The following FGD5 variants were observed in gnomAD, a reference collection of about 807,000 sequenced individuals.
The protein encoded by FGD5 is FYVE, RhoGEF and PH domain containing 5, also known as FYVE, RhoGEF and PH domain-containing protein 5.
A neutral mutation model predicts 133.4 loss-of-function variants in FGD5; 28 were observed. The observed-to-expected ratio is 0.21, with a 90% CI of 0.16 to 0.29. The LOEUF (loss-of-function observed/expected upper bound fraction) is 0.29. FGD5 is among the 10% of genes least tolerant of loss of function. The probability of loss-of-function intolerance (pLI) is 1.00; values close to 1 mark genes in which losing one functional copy is unlikely to be tolerated. For missense variants in FGD5, 1,858 were observed against 1,895.2 expected, an observed-to-expected ratio of 0.98 and a Z score of 0.36; for synonymous variants, 810 against 776.5, an observed-to-expected ratio of 1.04 and a Z score of -0.72.
At chr3:14,873,898 T>G (rs2037664497) in intron 2 of FGD5, among the ~76,000 whole-genome samples, 1 of 151,994 alleles carries the variant, frequency 6.6e-6, no homozygotes, top group Non-Finnish European at 1.5e-5. Flanking sequence ...ATTTTTGTAT[T>G]TTTAGTAGAG....
chr3:14,845,774 C>T (rs1422357605), intron 1 of FGD5, among the ~76,000 whole-genome samples: 1 of 152,216 alleles, frequency 6.6e-6, no homozygotes, highest in South Asian at 2.1e-4. Context: ...TAGAACTTTA[C>T]AGTTTGAAAA....
intron 1 of FGD5, among the ~76,000 whole-genome samples, chr3:14,812,001 G>GGT (rs10644004): frequency 0.18 from 26,396 of 145,512 alleles, 2,356 homozygotes; most frequent in East Asian, 0.33. Flanking sequence ...ATATCCTGCT[G>GGT]GTGTGTGTGT....
chr3:14,924,534 A>C (rs545310082), intron 17 of FGD5, among the ~76,000 whole-genome samples: 73 of 152,266 alleles, frequency 4.8e-4, no homozygotes, highest in Admixed American at 8.5e-4. Context: ...CCTGGAGGCC[A>C]TGGGCTCCGC....
chr3:14,850,180 C>T (rs187298310), intron 1 of FGD5, among the ~76,000 whole-genome samples: 2 of 152,334 alleles, frequency 1.3e-5, no homozygotes, highest in African/African-American at 4.8e-5. Context: ...GAGAAAGATG[C>T]GTCTGAGTTT....
intron 4 of FGD5, among the ~76,000 whole-genome samples, chr3:14,886,345 T>C (rs1188865525): frequency 6.6e-6 from 1 of 152,210 alleles, no homozygotes; most frequent in East Asian, 1.9e-4. Context: ...TCTTGGTGGC[T>C]CTGCTTCTTG....
chr3:14,846,308 C>G (rs1403736221), intron 1 of FGD5, among the ~76,000 whole-genome samples: 7 of 152,078 alleles, frequency 4.6e-5, no homozygotes, highest in African/African-American at 7.2e-5. Flanking sequence ...CTCAGGGGCT[C>G]TATTTTTCAG....
At chr3:14,923,981 C>A in intron 16 of FGD5, 27 bp from the exon 17 acceptor site, 2 of 1,613,606 alleles carry the variant, frequency 1.2e-6, no homozygotes, top group South Asian at 2.2e-5. Flanking sequence ...TCTCACCTCC[C>A]TTCCATGTGG....
chr3:14,924,931 C>T (rs528011558), intron 17 of FGD5, among the ~76,000 whole-genome samples: 2 of 151,986 alleles, frequency 1.3e-5, no homozygotes, highest in African/African-American at 4.8e-5. Context: ...GAAACCCCAT[C>T]TCTACTAAAA....
chr3:14,915,279 G>A (rs141504294), intron 11 of FGD5, among the ~76,000 whole-genome samples: 1 of 152,222 alleles, frequency 6.6e-6, no homozygotes, highest in Non-Finnish European at 1.5e-5. Context: ...CCTGAGAAGA[G>A]CTAGCTGTGG....
chr3:14,887,633 G>A (rs779863679), intron 4 of FGD5, among the ~76,000 whole-genome samples: 8 of 152,060 alleles, frequency 5.3e-5, no homozygotes, highest in East Asian at 1.9e-4. Context: ...GAAAGTCTCC[G>A]CCCTCAAGGC....
rs751514311 is a variant in FGD5 at position 14,922,580 on chromosome 3, A to G, written c.3807+32A>G. 2.6e-5 allele frequency: 22 copies of G among 836,568 alleles called. No individual in the cohort carries two copies. Among genetic ancestry groups the G allele is most frequent in the African/African-American group, 1.4e-4 (8 of 57,912 alleles). The allele number at this position is 836,568 out of a possible 1,614,324, so 51.8% of individuals were successfully genotyped here. A position where few individuals can be genotyped will look rare whatever the true frequency, so the allele number is the denominator to read the frequency against. On this transcript the variant is annotated intron_variant, in intron 15 of 19. Transcript: ENST00000285046. The surrounding 1 kb of genome is among the most constrained non-coding windows in gnomAD (Gnocchi z 4.1). ...CGCTGCATCTGGGGTGAGTGTGTGC[A>G]TGGGGGTGGGGTGGGGGAAGGGCAT...
In FGD5 at chr3:14,922,632, A is replaced by G; in HGVS notation, c.3807+84A>G. 2 of 1,500,346 alleles carry G rather than the reference A, an allele frequency of 1.3e-6. No homozygotes were observed. The highest frequency in any genetic ancestry group is 1.8e-6 in the Non-Finnish European group (2 of 1,122,970). 92.9% of individuals were successfully genotyped at this position (1,500,346 alleles called of 1,614,324 possible). On this transcript the variant is annotated intron_variant, in intron 15 of 19. Coordinates refer to ENST00000285046, the MANE Select transcript of FGD5 (RefSeq NM_152536.4). This position sits in a 1 kb window ranked among gnomAD's most constrained non-coding sequence, Gnocchi z 4.1. ...TCCCTGCCCAGCCGGGGGCTCAGGG[A>G]TGTCCAGCAGCTACTGTAAGCCCCA...
chr3:14,868,902 C>T (rs190520417), intron 2 of FGD5, among the ~76,000 whole-genome samples: 4 of 152,324 alleles, frequency 2.6e-5, no homozygotes, highest in African/African-American at 7.2e-5. Context: ...TCAGACCAGT[C>T]CCTGCCTGCC....
At chr3:14,886,547 G>A (rs1025801291) in intron 4 of FGD5, among the ~76,000 whole-genome samples, 1 of 152,212 alleles carries the variant, frequency 6.6e-6, no homozygotes, top group African/African-American at 2.4e-5. Flanking sequence ...GGGCAGGGAC[G>A]TGCTCTCCCC....
At chr3:14,837,179 G>T (rs2036831809) in intron 1 of FGD5, among the ~76,000 whole-genome samples, 1 of 152,176 alleles carries the variant, frequency 6.6e-6, no homozygotes, top group South Asian at 2.1e-4. Flanking sequence ...GGGGCCCTGC[G>T]TGCCCTTGCC....
intron 1 of FGD5, among the ~76,000 whole-genome samples, chr3:14,843,680 A>T (rs976167463): frequency 8.5e-6 from 1 of 117,204 alleles, no homozygotes; most frequent in South Asian, 2.9e-4. Context: ...GTGCATCCCC[A>T]GGGTGCTTTT....
rs570342258 is a variant in FGD5, at chr3:14,881,279, G to C, written c.2748+507G>C. On this transcript the variant is annotated intron_variant, in intron 4 of 19. Transcript: ENST00000285046. The stretch of plus-strand genomic sequence containing the variant: ...GCTCCTTTGGGCTTTCAGAGGAAAG[G>C]AGGCCAGACTTGGGGACAGGCACTG... 4.1e-4 allele frequency among the ~76,000 whole-genome samples: 63 copies of C among 152,200 alleles called. 1 individual carries two copies. In the South Asian group the frequency reaches 7.5e-3, roughly 18 times the overall value.
chr3:14,847,312 T>C (rs1305294331), intron 1 of FGD5, among the ~76,000 whole-genome samples: 1 of 152,246 alleles, frequency 6.6e-6, no homozygotes, highest in East Asian at 1.9e-4. Flanking sequence ...GTCTCCATTT[T>C]ATAGCTGAGG....
At position 14,821,310 on chromosome 3, in the gene FGD5, G is replaced by T; in HGVS notation, c.2239G>T (p.Asp747Tyr). 6.2e-7 allele frequency: 1 copy of T among 1,614,000 alleles called. No homozygotes were observed. Among genetic ancestry groups the T allele is most frequent in the Non-Finnish European group, 8.5e-7 (1 of 1,179,902 alleles). Residue 747 changes from aspartate to tyrosine, a missense_variant, in exon 1 of 20, where the codon GAC becomes TAC. Physicochemically the swap from Asp to Tyr is radical, Grantham distance 160. Around this residue, in one of 3 missense-constraint regions of FGD5, gnomAD observed 1,824 missense variants for 1,848.9 expected, o/e 0.99. Coordinates refer to ENST00000285046, the MANE Select transcript of FGD5 (RefSeq NM_152536.4). ...GGTGTCCAGAGTGGAGTCCTTTGAA[G>T]ACCGCTCCCGGCCGCCCTTCCTGCC... The part of the protein sequence containing the change: ...RTVSRVESFE[D>Y]RSRPPFLPLP...
Sources: gnomAD v4.1 joint callset for allele counts (sites outside exome capture counted in the v4.1 genomes callset) on GRCh38, gnomAD v4.1.1 for gene constraint, gnomAD v4.1.1 regional missense constraint, Gnocchi (gnomAD v3.1) non-coding constraint, MANE v1.5 for transcripts, NCBI Gene and HGNC (gene_info 2026-07-23, HGNC 2026-07-21) for gene names.